PI4KA: variants seen among roughly 807,000 people sequenced by gnomAD.
PI4KA encodes phosphatidylinositol 4-kinase alpha.
Under a neutral mutation model 271.4 loss-of-function variants are expected in PI4KA, and 122 were observed. The observed-to-expected ratio is 0.45, with a 90% CI of 0.39 to 0.52. PI4KA has a LOEUF of 0.52. PI4KA is among the 20% of genes least tolerant of loss of function. The pLI, the probability that PI4KA is intolerant of heterozygous loss-of-function variation, is 0.00. For missense variants in PI4KA, 1,969 were observed against 2,769.1 expected (o/e 0.71, Z 6.48); for synonymous variants, 1,041 against 1,078.8 (o/e 0.96, Z 0.69).
chr22:20,751,413 T>C, intron 26 of PI4KA, 37 bp from the exon 27 acceptor site: 3 of 1,587,256 alleles, frequency 1.9e-6, no homozygotes, highest in Non-Finnish European at 2.6e-6. Context: ...CCAAACTGCC[T>C]TCCCCAAGTT....
chr22:20,721,262 CAGTA>C (rs780688603), intron 43 of PI4KA, 32 bp downstream of exon 43: 48 of 1,611,974 alleles, frequency 3.0e-5, no homozygotes, highest in Non-Finnish European at 3.5e-5. Context: ...GCACTGAAGA[CAGTA>C]AGTGAGGCCT....
At chr22:20,843,044 G>A (rs1311306897) in intron 1 of PI4KA, among the ~76,000 whole-genome samples, 3 of 147,830 alleles carry the variant, frequency 2.0e-5, no homozygotes, top group East Asian at 3.9e-4. Context: ...CTTGTAGTGA[G>A]CCGAGACTGC....
At chr22:20,793,277 T>C in intron 18 of PI4KA, 34 bp from the exon 19 acceptor site, 1 of 1,298,480 alleles carries the variant, frequency 7.7e-7, no homozygotes, top group Non-Finnish European at 1.1e-6. Context: ...CATTAACGAG[T>C]ATGTGTTTCT....
chr22:20,784,201 G>A, intron 19 of PI4KA: 1 of 1,614,192 alleles, frequency 6.2e-7, no homozygotes, highest in Admixed American at 1.7e-5. Flanking sequence ...AAGCGCAACT[G>A]ACACCCCGGG....
At chr22:20,747,908 A>C (rs2147312264) in intron 28 of PI4KA, among the ~76,000 whole-genome samples, 1 of 148,896 alleles carries the variant, frequency 6.7e-6, no homozygotes, top group Admixed American at 6.7e-5. Context: ...CTAATTTTGC[A>C]ATTTTTTTTG....
intron 4 of PI4KA, among the ~76,000 whole-genome samples, chr22:20,821,665 C>G (rs1381144590): frequency 6.6e-6 from 1 of 151,496 alleles, no homozygotes; most frequent in Admixed American, 6.6e-5. Flanking sequence ...TGTCTCGGCT[C>G]ACCACAACCT....
At chr22:20,758,377 A>C (rs1469874610) in intron 23 of PI4KA, among the ~76,000 whole-genome samples, 3 of 148,078 alleles carry the variant, frequency 2.0e-5, no homozygotes, top group South Asian at 2.1e-4. Flanking sequence ...AAAAAAAAAA[A>C]AAAAAAAAAA....
At chr22:20,798,854 T>G in intron 16 of PI4KA, 167 bp from the exon 17 acceptor site, 1 of 633,340 alleles carries the variant, frequency 1.6e-6, no homozygotes, top group Non-Finnish European at 2.8e-6. Context: ...AATTAAAAGC[T>G]AAAAGGGACA....
chr22:20,745,394 G>A (rs968364344), intron 29 of PI4KA, among the ~76,000 whole-genome samples: 2 of 152,116 alleles, frequency 1.3e-5, no homozygotes, highest in African/African-American at 4.8e-5. Context: ...AGCATGCATT[G>A]AAAAGGACCT....
intron 42 of PI4KA, 46 bp downstream of exon 42, chr22:20,726,442 A>G: frequency 6.7e-7 from 1 of 1,488,890 alleles, no homozygotes; most frequent in African/African-American, 1.5e-5. Context: ...CTGGTGTGGA[A>G]CACACTCTGT....
Position 20,727,223 on chromosome 22 carries a change from G to C in PI4KA, c.4941+7C>G, listed in dbSNP as rs1657133303. 1 of 1,611,002 alleles carries C rather than the reference G, an allele frequency of 6.2e-7. No homozygotes were observed. The highest frequency in any genetic ancestry group is 1.1e-5 in the South Asian group (1 of 90,870). On this transcript the variant is annotated splice_region_variant and intron_variant, in intron 41 of 54. Transcript: ENST00000255882. ...CAGAGGCCAGCTCAGCAGGGCCCTGGGCTCACCGGAGGGAAGGACCGCAGG... is the reference window on the plus strand; with the variant it reads ...CAGAGGCCAGCTCAGCAGGGCCCTGCGCTCACCGGAGGGAAGGACCGCAGG...
In PI4KA at chr22:20,776,823, G is replaced by A. The variant is rs372057950; in HGVS notation, c.2329-11130C>T. ...TACAGCGTGTCAGGCATCCAACAGA[G>A]GCCATTATCAACATTAACCACACTG... On this transcript the variant is annotated intron_variant, in intron 19 of 54. Transcript: ENST00000255882. Among the ~76,000 whole-genome samples, 17 of 152,202 alleles carry A rather than the reference G, an allele frequency of 1.1e-4. No homozygotes were observed. In the South Asian group the frequency reaches 2.9e-3, roughly 26 times the overall value.
Position 20,751,662 on chromosome 22 carries a change from G to A in PI4KA, c.3069+12C>T, listed in dbSNP as rs1930708000. The A allele has an allele frequency of 5.0e-6, 8 of 1,609,186 alleles. No homozygotes were observed. Among genetic ancestry groups the A allele is most frequent in the Non-Finnish European group, 6.0e-6 (7 of 1,175,466 alleles). On this transcript the variant is annotated intron_variant, in intron 26 of 54. Coordinates refer to ENST00000255882, the MANE Select transcript of PI4KA (RefSeq NM_058004.4). ...GTGGTGTTTGGGCCCTAGGTCTCCT[G>A]GGGACACTCACAGCGCTCAGTGACA...
At chr22:20,792,406 C>G (rs1934701190) in intron 19 of PI4KA, among the ~76,000 whole-genome samples, 1 of 152,144 alleles carries the variant, frequency 6.6e-6, no homozygotes, top group Non-Finnish European at 1.5e-5. Context: ...TGCCACCAGG[C>G]CCACCCCTCT....
At chr22:20,750,048 G>A in intron 27 of PI4KA, 54 bp from the exon 28 acceptor site, 1 of 1,158,938 alleles carries the variant, frequency 8.6e-7, no homozygotes, top group Non-Finnish European at 1.3e-6. Flanking sequence ...CATCTGAGCT[G>A]CCGTAGTGAC....
chr22:20,810,559 A>T (rs1935944147), intron 9 of PI4KA, among the ~76,000 whole-genome samples: 1 of 151,950 alleles, frequency 6.6e-6, no homozygotes, highest in South Asian at 2.1e-4. Flanking sequence ...CTTAAAAACC[A>T]GGACTTGCAT....
chr22:20,820,707 T>C, intron 4 of PI4KA, 96 bp from the exon 5 acceptor site: 1 of 852,130 alleles, frequency 1.2e-6, no homozygotes, highest in Non-Finnish European at 1.9e-6. Context: ...TCAGACATTA[T>C]CTTAACCAAC....
Position 20,726,479 on chromosome 22 carries a change from C to T in PI4KA, c.4995+9G>A, listed in dbSNP as rs749643119. Reference sequence around the variant, plus strand: ...AGTGAAGAGGACGGCCATGCAGGTGCAGGCTTACCTTGTCGTACCTGAGGG... The same window carrying T: ...AGTGAAGAGGACGGCCATGCAGGTGTAGGCTTACCTTGTCGTACCTGAGGG... On this transcript the variant is annotated intron_variant, in intron 42 of 54. Coordinates refer to ENST00000255882, the MANE Select transcript of PI4KA (RefSeq NM_058004.4). The T allele has an allele frequency of 2.3e-5, 36 of 1,552,482 alleles. 1 individual carries two copies. The South Asian group carries it at 4.5e-4, about 19-fold the overall frequency.
chr22:20,824,504 C>T (rs375221678), intron 3 of PI4KA, 90 bp from the exon 4 acceptor site: 9 of 851,516 alleles, frequency 1.1e-5, no homozygotes, highest in South Asian at 8.4e-5. Context: ...TCCCTCTCAC[C>T]ATGACCTGCC....
Sources: gnomAD v4.1 joint callset for allele counts (sites outside exome capture counted in the v4.1 genomes callset) on GRCh38, gnomAD v4.1.1 for gene constraint, MANE v1.5 for transcripts, NCBI Gene and HGNC (gene_info 2026-07-23, HGNC 2026-07-21) for gene names.